SHANK2: variants seen among roughly 807,000 people sequenced by gnomAD.
The protein encoded by SHANK2 is SH3 and multiple ankyrin repeat domains 2.
Under a neutral mutation model 133.7 loss-of-function variants are expected in SHANK2, and 43 were observed. The observed-to-expected ratio is 0.32, with a 90% CI of 0.25 to 0.41. The LOEUF is 0.41. SHANK2 is among the 10% of genes least tolerant of loss of function. The pLI is 1.00. For missense variants in SHANK2, 1,994 were observed against 2,235.8 expected (o/e 0.89, Z 2.18); for synonymous variants, 1,017 against 952.8 (o/e 1.07, Z -1.24).
At chr11:70,695,765 C>G (rs888058991) in intron 15 of SHANK2, among the ~76,000 whole-genome samples, 93 of 152,346 alleles carry the variant, frequency 6.1e-4, no homozygotes, top group African/African-American at 2.0e-3. Flanking sequence ...CAGGGCTGTG[C>G]TCCATGCAGG....
chr11:70,941,065 G>GTGTCTGA (rs1555084332), intron 10 of SHANK2, among the ~76,000 whole-genome samples: 1 of 152,166 alleles, frequency 6.6e-6, no homozygotes, highest in African/African-American at 2.4e-5. Context: ...AACAAGTTTG[G>GTGTCTGA]TGTCTGATAG....
rs550352595 is a variant in SHANK2, at chr11:70,796,218, C to T, written c.1777+2225G>A. Among the ~76,000 whole-genome samples, 51 of 152,250 alleles carry T rather than the reference C, an allele frequency of 3.3e-4. No homozygotes were observed. The South Asian group carries it at 6.6e-3, about 20-fold the overall frequency. ...ACACAGGGTGATGCTGGCAGGTGGACGGGAAAAGCCCACAGGAGAGAGGAG... is the reference window on the plus strand; with the variant it reads ...ACACAGGGTGATGCTGGCAGGTGGATGGGAAAAGCCCACAGGAGAGAGGAG... On this transcript the variant is annotated intron_variant, in intron 14 of 25. Transcript: ENST00000601538.
intron 11 of SHANK2, among the ~76,000 whole-genome samples, chr11:70,866,455 G>A (rs1380047725): frequency 1.3e-5 from 2 of 152,272 alleles, no homozygotes; most frequent in Non-Finnish European, 2.9e-5. Flanking sequence ...GAACAGATAA[G>A]ACCAAGAAAC....
intron 8 of SHANK2, among the ~76,000 whole-genome samples, chr11:71,090,918 C>T (rs1227601728): frequency 6.6e-6 from 1 of 152,112 alleles, no homozygotes; most frequent in African/African-American, 2.4e-5. Context: ...AGGCCTTCAA[C>T]TCATTGGATG....
chr11:71,121,533 G>A (rs189718613), intron 3 of SHANK2, among the ~76,000 whole-genome samples: 13 of 152,310 alleles, frequency 8.5e-5, no homozygotes, highest in Admixed American at 3.3e-4. Flanking sequence ...CACTCTGATG[G>A]TAGTTTCTTT....
chr11:70,720,121 A>G (rs1946043347), intron 14 of SHANK2, among the ~76,000 whole-genome samples: 2 of 152,208 alleles, frequency 1.3e-5, no homozygotes, highest in South Asian at 2.1e-4. Flanking sequence ...AACCAGCTCC[A>G]TGAGGGCAGG....
At chr11:71,106,519 G>A (rs1484591208) in intron 6 of SHANK2, among the ~76,000 whole-genome samples, 1 of 152,194 alleles carries the variant, frequency 6.6e-6, no homozygotes, top group African/African-American at 2.4e-5. Context: ...CTGTGCTACT[G>A]TCTCCATGGA....
chr11:70,883,401 T>C (rs1181686637), intron 11 of SHANK2, among the ~76,000 whole-genome samples: 1 of 152,078 alleles, frequency 6.6e-6, no homozygotes, highest in Non-Finnish European at 1.5e-5. Flanking sequence ...ATGTCCTCCA[T>C]CTGTAGGAAA....
At chr11:71,236,223 C>T (rs1954824822) in intron 1 of SHANK2, among the ~76,000 whole-genome samples, 1 of 152,212 alleles carries the variant, frequency 6.6e-6, no homozygotes. Flanking sequence ...CTTATCAACA[C>T]ACACCATGCA....
intron 17 of SHANK2, among the ~76,000 whole-genome samples, chr11:70,559,933 G>A (rs550745561): frequency 2.6e-5 from 4 of 152,156 alleles, no homozygotes; most frequent in Admixed American, 2.6e-4. Context: ...GCACAGTGGC[G>A]TGATCTCAGC....
chr11:70,933,239 CTG>C (rs1288491720), intron 10 of SHANK2: 42 of 456,172 alleles, frequency 9.2e-5, no homozygotes, highest in Admixed American at 9.2e-4. Context: ...CTTGAGGACA[CTG>C]TACTGAGTGA....
At chr11:70,664,160 C>T (rs1944636159) in intron 15 of SHANK2, among the ~76,000 whole-genome samples, 1 of 152,184 alleles carries the variant, frequency 6.6e-6, no homozygotes, top group African/African-American at 2.4e-5. Flanking sequence ...TGAGCAGACC[C>T]TCTACCAGGT....
chr11:70,941,163 A>G (rs1053373441), intron 10 of SHANK2, among the ~76,000 whole-genome samples: 20 of 152,188 alleles, frequency 1.3e-4, no homozygotes, highest in African/African-American at 4.8e-4. Flanking sequence ...ACCATGTCAC[A>G]CCAATAAAGT....
chr11:70,485,999 G>A lies in SHANK2; in HGVS notation c.4294C>T (p.Pro1432Ser). The change falls in exon 25 of 26, where the codon CCG (proline) becomes TCG (serine). Residue 1432 changes from proline to serine, a missense_variant. By Grantham distance (74) the Pro-to-Ser change is moderately conservative. Transcript: ENST00000601538. This position sits in a 1 kb window ranked among gnomAD's most constrained non-coding sequence, Gnocchi z 5.8. ...DIPDDRAASV[P>S]ALSDLVKQKK... ...TGCTTCACTAAGTCTGAGAGAGCCG[G>A]GACAGAAGCTGCCCGGTCATCGGGG... The A allele has an allele frequency of 6.2e-7, 1 of 1,614,060 alleles. No homozygotes were observed. Among genetic ancestry groups the A allele is most frequent in the Non-Finnish European group, 8.5e-7 (1 of 1,180,016 alleles).
rs2058829449 is a variant in SHANK2, at chr11:70,487,583, T to A, written c.2710A>T (p.Thr904Ser). Residue 904 changes from threonine to serine, a missense_variant, in exon 25 of 26, where the codon ACC (threonine) becomes TCC (serine). Thr to Ser is a moderately conservative substitution (Grantham distance 58). Transcript: ENST00000601538. This position sits in a 1 kb window ranked among gnomAD's most constrained non-coding sequence, Gnocchi z 5.8. ...VPPSPPPPSPTTYNCPKSPTP... is the reference protein window; with the variant it reads ...VPPSPPPPSPSTYNCPKSPTP... ...GGGGACTTGGGGCAGTTGTAAGTGG[T>A]TGGGGAAGGTGGTGGTGGGGACGGG... The A allele has an allele frequency of 6.2e-7, 1 of 1,612,504 alleles. No individual in the cohort carries two copies. Among genetic ancestry groups the A allele is most frequent in the East Asian group, 2.2e-5 (1 of 44,818 alleles).
chr11:70,749,299 C>T (rs1359834555), intron 14 of SHANK2, among the ~76,000 whole-genome samples: 1 of 152,166 alleles, frequency 6.6e-6, no homozygotes, highest in African/African-American at 2.4e-5. Flanking sequence ...CAGGCTGACC[C>T]CGAAGCACGC....
intron 2 of SHANK2, among the ~76,000 whole-genome samples, chr11:71,153,609 C>A (rs1229948853): frequency 6.6e-6 from 1 of 152,136 alleles, no homozygotes; most frequent in Non-Finnish European, 1.5e-5. Context: ...AAACAAAAAA[C>A]CTCACGGCCA....
At chr11:70,808,601 G>A (rs1374334993) in intron 12 of SHANK2, among the ~76,000 whole-genome samples, 4 of 150,538 alleles carry the variant, frequency 2.7e-5, no homozygotes, top group African/African-American at 7.3e-5. Flanking sequence ...CAGGCATGGT[G>A]CTGTGCATTT....
At chr11:71,237,104 C>T (rs781839656) in intron 1 of SHANK2, among the ~76,000 whole-genome samples, 1 of 152,130 alleles carries the variant, frequency 6.6e-6, no homozygotes, top group Non-Finnish European at 1.5e-5. Context: ...TCAATAAACC[C>T]GAGGGGACTG....
Sources: gnomAD v4.1 joint callset for allele counts (sites outside exome capture counted in the v4.1 genomes callset) on GRCh38, gnomAD v4.1.1 for gene constraint, Gnocchi (gnomAD v3.1) non-coding constraint, MANE v1.5 for transcripts, NCBI Gene and HGNC (gene_info 2026-07-23, HGNC 2026-07-21) for gene names.